ACYP2: variants seen among roughly 807,000 people sequenced by gnomAD.
ACYP2 encodes acylphosphatase 2, also known as acylphosphatase-2.
In ACYP2, 12 loss-of-function variants were observed where a neutral mutation model predicts 11.2. The observed-to-expected ratio is 1.08, with a 90% CI of 0.69 to 1.74. The LOEUF (loss-of-function observed/expected upper bound fraction) is 1.74. ACYP2 is among the 40% of genes most tolerant of loss of function. The pLI is 0.00. For synonymous variants in ACYP2, 43 were observed against 32.2 expected, an observed-to-expected ratio of 1.33 and a Z score of -1.13; for missense variants, 134 against 101.9, an observed-to-expected ratio of 1.31 and a Z score of -1.35.
At position 53,971,290 on chromosome 2, in the gene ACYP2, G is replaced by A. The variant is rs1402039607; in HGVS notation, c.-68G>A. ...GCGCACTCCAAGCGGCAGCCCACTG[G>A]AGTCCCAGTCGCCACGACAGGCGGC... On this transcript the variant is annotated 5_prime_UTR_variant, in exon 1 of 7. Transcript: ENST00000607452. 1 of 152,994 alleles carries A rather than the reference G, an allele frequency of 6.5e-6. No homozygotes were observed. Among genetic ancestry groups the A allele is most frequent in the Non-Finnish European group, 1.5e-5 (1 of 68,568 alleles). 9.5% of individuals were successfully genotyped at this position (152,994 alleles called of 1,614,324 possible).
chr2:54,190,889 A>G (rs747693044), intron 6 of ACYP2, among the ~76,000 whole-genome samples: 1 of 152,128 alleles, frequency 6.6e-6, no homozygotes, highest in Non-Finnish European at 1.5e-5. Flanking sequence ...TCCCTATATG[A>G]GCAAATGCCT....
chr2:54,231,645 CAA>C (rs962618836), intron 6 of ACYP2, among the ~76,000 whole-genome samples: 8 of 152,158 alleles, frequency 5.3e-5, no homozygotes, highest in African/African-American at 1.7e-4. Context: ...TATGAAAAAA[CAA>C]ATATATATGA....
intron 4 of ACYP2, among the ~76,000 whole-genome samples, chr2:54,131,172 A>G (rs1680877199): frequency 6.6e-6 from 1 of 152,236 alleles, no homozygotes; most frequent in African/African-American, 2.4e-5. Context: ...CTGTGTGCCT[A>G]TTAGATTTAC....
At chr2:54,207,748 CA>C (rs1229809095) in intron 6 of ACYP2, among the ~76,000 whole-genome samples, 1 of 152,132 alleles carries the variant, frequency 6.6e-6, no homozygotes, top group Non-Finnish European at 1.5e-5. Context: ...GGACATGAAA[CA>C]AAAGCCATGA....
intron 6 of ACYP2, among the ~76,000 whole-genome samples, chr2:54,143,497 G>A (rs561264254): frequency 4.6e-5 from 7 of 151,988 alleles, no homozygotes; most frequent in Non-Finnish European, 1.0e-4. Context: ...GCAATGGTAC[G>A]ATCTTGGCTT....
intron 6 of ACYP2, among the ~76,000 whole-genome samples, chr2:54,251,443 A>G (rs1212739555): frequency 2.6e-5 from 4 of 152,144 alleles, no homozygotes; most frequent in Admixed American, 2.6e-4. Context: ...ACAGAGAAGT[A>G]TGTTTTCTAA....
chr2:54,013,369 C>T (rs778411488), intron 2 of ACYP2, among the ~76,000 whole-genome samples: 6 of 150,750 alleles, frequency 4.0e-5, no homozygotes, highest in Non-Finnish European at 8.8e-5. Context: ...GTCACAATCT[C>T]GGCTCACTGC....
chr2:54,297,195 G>A (rs1351587815), intron 6 of ACYP2, among the ~76,000 whole-genome samples: 1 of 147,972 alleles, frequency 6.8e-6, no homozygotes, highest in African/African-American at 2.7e-5. Context: ...GATAGCCTAA[G>A]AAATTTGAAA....
intron 4 of ACYP2, among the ~76,000 whole-genome samples, chr2:54,078,044 A>T (rs1374373475): frequency 6.7e-6 from 1 of 149,418 alleles, no homozygotes; most frequent in African/African-American, 2.5e-5. Context: ...GTCTCTGCTC[A>T]CTGCAACCTC....
chr2:54,007,138 C>CAAATAAAAAAA (rs1673109001), intron 2 of ACYP2, among the ~76,000 whole-genome samples: 1 of 52,206 alleles, frequency 1.9e-5, no homozygotes, highest in Non-Finnish European at 3.5e-5. Context: ...GACTCTGTGT[C>CAAATAAAAAAA]AAAAAAAAAA....
At chr2:54,202,853 A>T (rs886292586) in intron 6 of ACYP2, among the ~76,000 whole-genome samples, 21 of 150,534 alleles carry the variant, frequency 1.4e-4, no homozygotes, top group Admixed American at 6.7e-4. Context: ...CCTGGCTCAG[A>T]CAGTCTTGAT....
chr2:53,979,716 T>G (rs1312335855), intron 2 of ACYP2, among the ~76,000 whole-genome samples: 1 of 151,986 alleles, frequency 6.6e-6, no homozygotes, highest in Non-Finnish European at 1.5e-5. Context: ...TTTGTTTTTG[T>G]TTTTAGATGG....
chr2:54,115,085 CAGTT>C, intron 4 of ACYP2, among the ~76,000 whole-genome samples: 1 of 152,234 alleles, frequency 6.6e-6, no homozygotes, highest in Non-Finnish European at 1.5e-5. Flanking sequence ...TACAAAGTTT[CAGTT>C]AGTGTGAATA....
intron 6 of ACYP2, among the ~76,000 whole-genome samples, chr2:54,182,042 A>C (rs1041485328): frequency 1.4e-5 from 2 of 146,350 alleles, no homozygotes; most frequent in Non-Finnish European, 3.0e-5. Context: ...GAAAAATAGA[A>C]GATAATTTTT....
At chr2:54,025,898 A>G (rs577608505) in intron 2 of ACYP2, among the ~76,000 whole-genome samples, 1 of 151,870 alleles carries the variant, frequency 6.6e-6, no homozygotes, top group African/African-American at 2.4e-5. Context: ...GGAATTTGAG[A>G]CTGAGGTCAG....
chr2:54,211,711 C>G (rs1423799756), intron 6 of ACYP2, among the ~76,000 whole-genome samples: 2 of 152,190 alleles, frequency 1.3e-5, no homozygotes, highest in East Asian at 1.9e-4. Flanking sequence ...GTTTACCAAA[C>G]TCTAGACTCA....
chr2:54,252,242 CA>C (rs1175753992), intron 6 of ACYP2, among the ~76,000 whole-genome samples: 1 of 152,170 alleles, frequency 6.6e-6, no homozygotes, highest in Non-Finnish European at 1.5e-5. Flanking sequence ...TGCATGTAGG[CA>C]TAATTCTTTC....
chr2:54,275,502 G>C (rs576258034), intron 6 of ACYP2, among the ~76,000 whole-genome samples: 2 of 152,274 alleles, frequency 1.3e-5, no homozygotes, highest in Non-Finnish European at 1.5e-5. Context: ...CCAGTATTAG[G>C]TCAGGAGAGA....
chr2:54,060,826 A>G (rs1676431294), intron 4 of ACYP2, among the ~76,000 whole-genome samples: 1 of 152,016 alleles, frequency 6.6e-6, no homozygotes, highest in African/African-American at 2.4e-5. Flanking sequence ...TTGAAAACAG[A>G]TTTTAGCTTC....
Sources: allele counts gnomAD v4.1 joint callset (sites outside exome capture counted in the v4.1 genomes callset), GRCh38; gene constraint gnomAD v4.1.1; transcripts MANE v1.5; gene names NCBI Gene and HGNC (gene_info 2026-07-23, HGNC 2026-07-21).